Variants in LBX1 observed in about 807,000 individuals in gnomAD.
LBX1 encodes transcription factor LBX1.
Under a neutral mutation model 19.9 loss-of-function variants are expected in LBX1, and 6 were observed. The observed-to-expected ratio is 0.30, with a 90% CI of 0.17 to 0.60. LBX1 has a LOEUF of 0.60. Among genes scored for constraint, LBX1 ranks in the 20% least tolerant of loss-of-function variants. The pLI, the probability that LBX1 is intolerant of heterozygous loss-of-function variation, is 0.87. For missense variants in LBX1, 344 were observed against 393.7 expected, an observed-to-expected ratio of 0.87 and a Z score of 1.07; for synonymous variants, 190 against 189.3, an observed-to-expected ratio of 1.00 and a Z score of -0.03.
chr10:101,227,940 G>T, intron 1 of LBX1, 150 bp from the exon 2 acceptor site: 1 of 727,562 alleles, frequency 1.4e-6, no homozygotes, highest in Non-Finnish European at 2.1e-6. Flanking sequence ...CCAGGACCAG[G>T]GCAAGTCTTG....
At position 101,228,378 on chromosome 10, in the gene LBX1, G is replaced by A. The variant is rs1414245372; in HGVS notation, c.325+113C>T. ...ACTCCCATAAGCAGCTGCTCAGGCT[G>A]GAAGGCCCTGGCGGCCGGAGAGGGC... On this transcript the variant is annotated intron_variant, in intron 1 of 1. Transcript: ENST00000370193. 3 of 737,342 alleles carry A rather than the reference G, an allele frequency of 4.1e-6. No individual in the cohort carries two copies. The East Asian group carries it at 8.9e-5, about 22-fold the overall frequency. 45.7% of individuals were successfully genotyped at this position (737,342 alleles called of 1,614,324 possible). A position where few individuals can be genotyped will look rare whatever the true frequency, so the allele number is the denominator to read the frequency against.
Position 101,229,200 on chromosome 10 carries a change from C to G in LBX1, c.-385G>C, listed in dbSNP as rs1384849139. 1 of 153,484 alleles carries G rather than the reference C, an allele frequency of 6.5e-6. No individual in the cohort carries two copies. The highest frequency in any genetic ancestry group is 6.5e-5 in the Admixed American group (1 of 15,336). 9.5% of individuals were successfully genotyped at this position (153,484 alleles called of 1,614,324 possible). On this transcript the variant is annotated 5_prime_UTR_variant, in exon 1 of 2. Coordinates refer to ENST00000370193, the MANE Select transcript of LBX1 (RefSeq NM_006562.5). This position sits in a 1 kb window ranked among gnomAD's most constrained non-coding sequence, Gnocchi z 6.4. ...AGAGCCGAGGCGAGGGCGCCGATCC[C>G]GGACTGCGAGGGAGGCGGAGAGACG...
In LBX1 at chr10:101,227,007, T is replaced by G; in HGVS notation, c.*263A>C. 3.0e-6 allele frequency: 1 copy of G among 332,146 alleles called. No homozygotes were observed. 20.6% of individuals were successfully genotyped at this position (332,146 alleles called of 1,614,324 possible). ...GAACCCGCTATATAGGTTTAAATAT[T>G]TATATAGAAGCCATACAGAATTGCA... On this transcript the variant is annotated 3_prime_UTR_variant, in exon 2 of 2. Transcript: ENST00000370193.
Position 101,229,351 on chromosome 10 carries a change from T to A in LBX1, c.-536A>T, listed in dbSNP as rs1386761533. 1.1e-5 allele frequency: 2 copies of A among 175,900 alleles called. No homozygotes were observed. Among genetic ancestry groups the A allele is most frequent in the Non-Finnish European group, 2.4e-5 (2 of 82,676 alleles). The allele number at this position is 175,900 out of a possible 1,614,324, so 10.9% of individuals were successfully genotyped here. A position where few individuals can be genotyped will look rare whatever the true frequency, so the allele number is the denominator to read the frequency against. ...TCTCTTCTTTGCCTCTGTTCTCTCC[T>A]CCTGTTCTCGCTCTCCCTCCCTCCC... On this transcript the variant is annotated 5_prime_UTR_variant, in exon 1 of 2. Coordinates refer to ENST00000370193, the MANE Select transcript of LBX1 (RefSeq NM_006562.5). This position sits in a 1 kb window ranked among gnomAD's most constrained non-coding sequence, Gnocchi z 6.4.
At chr10:101,228,336 C>A (rs1270316917) in intron 1 of LBX1, among the ~76,000 whole-genome samples, 155 bp downstream of exon 1, 1 of 152,240 alleles carries the variant, frequency 6.6e-6, no homozygotes, top group Non-Finnish European at 1.5e-5. Flanking sequence ...GGATTGGGTC[C>A]CGTCCCACAT....
rs1941062636 is a variant in LBX1 at position 101,227,751 on chromosome 10, G to A, written c.365C>T (p.Pro122Leu). The A allele has an allele frequency of 6.2e-7, 1 of 1,603,710 alleles. No individual in the cohort carries two copies. The highest frequency in any genetic ancestry group is 8.5e-7 in the Non-Finnish European group (1 of 1,173,696). ...CGTGCGCGACTTTCGCCGCTTCTTA[G>A]GGGTCTGCCGCTGCCCAAAGATGGT... is the stretch of plus-strand genomic sequence containing the variant. ...GMTIFGQRQT[P>L]KKRRKSRTAF... The change falls in exon 2 of 2, where the codon CCT (proline) becomes CTT (leucine). Residue 122 changes from proline to leucine, a missense_variant. This residue lies in a region of LBX1 where 45 missense variants were observed against 100.7 expected (regional missense o/e 0.45). Transcript: ENST00000370193.
chr10:101,227,331 G>C lies in LBX1; in HGVS notation c.785C>G (p.Pro262Arg). Residue 262 changes from proline (P) to arginine (R), a missense_variant, in exon 2 of 2, where the codon CCG becomes CGG. Physicochemically the swap from Pro to Arg is moderately radical, Grantham distance 103 (BLOSUM62 -2). Coordinates refer to ENST00000370193, the MANE Select transcript of LBX1 (RefSeq NM_006562.5). ...CTCCGAGCAGTCCTGGCTGCTGGCC[G>C]GCTGGTCCGTGAGCGGAGAGGCAGG... ...LSPASPLTDQ[P>R]ASSQDCSEDE... 1.2e-6 allele frequency: 2 copies of C among 1,609,238 alleles called. No homozygotes were observed. Among genetic ancestry groups the C allele is most frequent in the Non-Finnish European group, 1.7e-6 (2 of 1,178,822 alleles).
At chr10:101,228,436 G>T (rs1941070868) in intron 1 of LBX1, 55 bp downstream of exon 1, 4 of 1,398,928 alleles carry the variant, frequency 2.9e-6, no homozygotes, top group Non-Finnish European at 3.9e-6. Context: ...GACGAAGCGC[G>T]CAGGGCACAG....
Position 101,227,560 on chromosome 10 carries a change from C to A in LBX1, c.556G>T (p.Glu186Ter). 1 of 1,614,194 alleles carries A rather than the reference C, an allele frequency of 6.2e-7. No individual in the cohort carries two copies. The highest frequency in any genetic ancestry group is 8.5e-7 in the Non-Finnish European group (1 of 1,180,030). Residue 186 changes from glutamate to a stop codon, truncating the protein, a stop_gained, in exon 2 of 2, where the codon GAG becomes TAG. Coordinates refer to ENST00000370193, the MANE Select transcript of LBX1 (RefSeq NM_006562.5). LOFTEE classifies it high-confidence loss of function. The stretch of plus-strand genomic sequence containing the variant: ...GCGGACTCTACGTCGGCCTTCATCT[C>A]CTCCAGGTCCCGCTTGAGCTTAGCG... The part of the protein sequence containing the change: ...RRAKLKRDLE[E>*]MKADVESAKK...
chr10:101,227,367 A>G lies in LBX1; in HGVS notation c.749T>C (p.Leu250Pro). The change falls in exon 2 of 2, where the codon CTG becomes CCG. Residue 250 changes from leucine to proline, a missense_variant. Around this residue, in one of 3 missense-constraint regions of LBX1, gnomAD observed 146 missense variants for 124.2 expected, o/e 1.18. Coordinates refer to ENST00000370193, the MANE Select transcript of LBX1 (RefSeq NM_006562.5). ...GAGCGGAGAGGCAGGCGAGAGCTGC[A>G]GGGCGCCAGCGCCCGGGGCCTTCGG... ...GAPKAPGAGA[L>P]QLSPASPLTD... is the part of the protein sequence containing the mutation. 1 of 1,607,388 alleles carries G rather than the reference A, an allele frequency of 6.2e-7. No homozygotes were observed. The highest frequency in any genetic ancestry group is 8.5e-7 in the Non-Finnish European group (1 of 1,178,310).
Position 101,227,569 on chromosome 10 carries a change from C to T in LBX1, c.547G>A (p.Asp183Asn). ...FQNRRAKLKR[D>N]LEEMKADVES... ...ACGTCGGCCTTCATCTCCTCCAGGT[C>T]CCGCTTGAGCTTAGCGCGCCGATTC... is the stretch of plus-strand genomic sequence containing the variant. Residue 183 changes from aspartate (D) to asparagine (N), a missense_variant, in exon 2 of 2, where the codon GAC (aspartate) becomes AAC (asparagine). Coordinates refer to ENST00000370193, the MANE Select transcript of LBX1 (RefSeq NM_006562.5). 6.2e-7 allele frequency: 1 copy of T among 1,614,238 alleles called. No individual in the cohort carries two copies. Among genetic ancestry groups the T allele is most frequent in the Non-Finnish European group, 8.5e-7 (1 of 1,180,044 alleles).
In LBX1 at chr10:101,228,987, G is replaced by T; in HGVS notation, c.-172C>A. On this transcript the variant is annotated 5_prime_UTR_variant, in exon 1 of 2. Transcript: ENST00000370193. ...ATTAGCGCGGCGGCTGAGGAGGGGA[G>T]AACAGCGCGGGGCCCCGGGAAGAGG... The T allele has an allele frequency of 4.5e-6, 1 of 224,034 alleles. No individual in the cohort carries two copies. Among genetic ancestry groups the T allele is most frequent in the South Asian group, 1.6e-4 (1 of 6,222 alleles). The allele number at this position is 224,034 out of a possible 1,614,324, so 13.9% of individuals were successfully genotyped here.
intron 1 of LBX1, 34 bp downstream of exon 1, chr10:101,228,457 G>C (rs747306933): frequency 3.7e-5 from 56 of 1,505,406 alleles, no homozygotes; most frequent in Non-Finnish European, 4.1e-5. Context: ...GGCGCGAGGC[G>C]CTGGGTGCAG....
In LBX1 at chr10:101,228,769, C is replaced by T; in HGVS notation, c.47G>A (p.Arg16Gln). 1 of 1,598,934 alleles carries T rather than the reference C, an allele frequency of 6.3e-7. No homozygotes were observed. Among genetic ancestry groups the T allele is most frequent in the Non-Finnish European group, 8.5e-7 (1 of 1,175,108 alleles). The change falls in exon 1 of 2, where the codon CGG becomes CAG. Residue 16 changes from arginine (R) to glutamine (Q), a missense_variant. Coordinates refer to ENST00000370193, the MANE Select transcript of LBX1 (RefSeq NM_006562.5). ...DGKAAPGEER[R>Q]RSPLDHLPPP... Reference sequence around the variant, plus strand: ...AGGCAGGTGGTCCAGCGGGCTGCGCCGCCGCTCCTCCCCCGGCGCCGCCTT... The same window carrying T: ...AGGCAGGTGGTCCAGCGGGCTGCGCTGCCGCTCCTCCCCCGGCGCCGCCTT...
Position 101,227,479 on chromosome 10 carries a change from G to T in LBX1, c.637C>A (p.Gln213Lys). ...CCGCCGGCTGTGGCCTCCGAGTTCT[G>T]CTCGAGTTCGGCCAGCGCCACGATG... ...MDIVALAELE[Q>K]NSEATAGGGG... The change falls in exon 2 of 2, where the codon CAG becomes AAG. Residue 213 changes from glutamine to lysine, a missense_variant. Around this residue, in one of 3 missense-constraint regions of LBX1, gnomAD observed 146 missense variants for 124.2 expected, o/e 1.18. Transcript: ENST00000370193. 1.2e-6 allele frequency: 2 copies of T among 1,608,210 alleles called. No individual in the cohort carries two copies.
intron 1 of LBX1, among the ~76,000 whole-genome samples, chr10:101,228,167 A>G (rs1326050349): frequency 6.6e-6 from 1 of 152,030 alleles, no homozygotes; most frequent in African/African-American, 2.4e-5. Flanking sequence ...CCCCGGCAAA[A>G]GACTCTCGAT....
rs765236602 is a variant in LBX1 at position 101,228,829 on chromosome 10, G to T, written c.-14C>A. Reference sequence around the variant, plus strand: ...CTTGGAAGTCATCTCGGCCTTGTTCGGGGTCCCGGCCGGGGCGGCTCGGGC... The same window carrying T: ...CTTGGAAGTCATCTCGGCCTTGTTCTGGGTCCCGGCCGGGGCGGCTCGGGC... On this transcript the variant is annotated 5_prime_UTR_variant, in exon 1 of 2. Coordinates refer to ENST00000370193, the MANE Select transcript of LBX1 (RefSeq NM_006562.5). The T allele has an allele frequency of 2.0e-6, 3 of 1,517,792 alleles. No homozygotes were observed. The highest frequency in any genetic ancestry group is 1.4e-5 in the African/African-American group (1 of 69,590). The allele number at this position is 1,517,792 out of a possible 1,614,324, so 94.0% of individuals were successfully genotyped here. A position where few individuals can be genotyped will look rare whatever the true frequency, so the allele number is the denominator to read the frequency against.
chr10:101,228,319 G>C (rs535649094), intron 1 of LBX1, among the ~76,000 whole-genome samples, 172 bp downstream of exon 1: 5 of 152,206 alleles, frequency 3.3e-5, no homozygotes, highest in Non-Finnish European at 7.3e-5. Flanking sequence ...AGGTCCCTGG[G>C]AAATAAGGAT....
chr10:101,227,170 T>G lies in LBX1; in HGVS notation c.*100A>C. 4 of 1,150,428 alleles carry G rather than the reference T, an allele frequency of 3.5e-6. No individual in the cohort carries two copies. In the South Asian group the frequency reaches 4.8e-5, roughly 14 times the overall value. 71.3% of individuals were successfully genotyped at this position (1,150,428 alleles called of 1,614,324 possible). A position where few individuals can be genotyped will look rare whatever the true frequency, so the allele number is the denominator to read the frequency against. On this transcript the variant is annotated 3_prime_UTR_variant, in exon 2 of 2. Transcript: ENST00000370193. Reference sequence around the variant, plus strand: ...CCGGGGACAGGGGAGGAGGCGGGAGTTGGCAGAGGAGGTCCCAGCTCCCCT... The same window carrying G: ...CCGGGGACAGGGGAGGAGGCGGGAGGTGGCAGAGGAGGTCCCAGCTCCCCT...
Sources: gnomAD v4.1 joint callset for allele counts (sites outside exome capture counted in the v4.1 genomes callset) on GRCh38, gnomAD v4.1.1 for gene constraint, gnomAD v4.1.1 regional missense constraint, Gnocchi (gnomAD v3.1) non-coding constraint, MANE v1.5 for transcripts, NCBI Gene and HGNC (gene_info 2026-07-23, HGNC 2026-07-21) for gene names.